GLB1: variants seen among roughly 807,000 people sequenced by gnomAD.
The protein encoded by GLB1 is beta-galactosidase.
A neutral mutation model predicts 74.0 loss-of-function variants in GLB1; 56 were observed. The ratio of observed to expected loss-of-function variants is 0.76; its 90% CI spans 0.61 to 0.94. The LOEUF (loss-of-function observed/expected upper bound fraction) is 0.94, where lower values mean the gene tolerates loss of function less well. Ranked by LOEUF, GLB1 falls within the 40% of genes least tolerant of loss-of-function variation. GLB1 has a pLI of 0.00. For synonymous variants in GLB1, 323 were observed against 323.6 expected (o/e 1.00, Z 0.02); for missense variants, 787 against 845.5 (o/e 0.93, Z 0.86).
rs773288480 is a variant in GLB1 at position 33,077,204 on chromosome 3, G to C, written c.76-4491C>G. 2.0e-6 allele frequency: 3 copies of C among 1,514,012 alleles called. No homozygotes were observed. In the East Asian group the frequency reaches 7.5e-5, roughly 38 times the overall value. 93.8% of individuals were successfully genotyped at this position (1,514,012 alleles called of 1,614,324 possible). ...GGCAGCTGAGACTTAGGCGCTTGCCGTGGCAGATGAAAAGCCCAAGGAAGG... is the reference window on the plus strand; with the variant it reads ...GGCAGCTGAGACTTAGGCGCTTGCCCTGGCAGATGAAAAGCCCAAGGAAGG... On this transcript the variant is annotated intron_variant, in intron 1 of 15. Transcript: ENST00000307363.
chr3:33,031,912 C>T (rs1261389162), intron 10 of GLB1, among the ~76,000 whole-genome samples: 3 of 151,904 alleles, frequency 2.0e-5, no homozygotes, highest in African/African-American at 7.3e-5. Context: ...ATTCTCCTGC[C>T]TCAGCCACCA....
chr3:32,997,209 C>G lies in GLB1; in HGVS notation c.1870G>C (p.Ala624Pro), dbSNP rs1242383448. The G allele has an allele frequency of 9.3e-6, 15 of 1,614,052 alleles. No individual in the cohort carries two copies. Among genetic ancestry groups the G allele is most frequent in the Non-Finnish European group, 1.3e-5 (15 of 1,180,038 alleles). ...TCTGGATCATCACTGCTGCAGGGTGCCCACTCCAGTTCCAGCACGGTGATG... is the reference window on the plus strand; with the variant it reads ...TCTGGATCATCACTGCTGCAGGGTGGCCACTCCAGTTCCAGCACGGTGATG... ...NTITVLELEW[A>P]PCSSDDPELC... The change falls in exon 16 of 16, where the codon GCA becomes CCA. Residue 624 changes from alanine to proline, a missense_variant. Transcript: ENST00000307363.
Position 33,024,292 on chromosome 3 carries a change from A to G in GLB1, c.1102T>C (p.Ser368Pro). 6.2e-7 allele frequency: 1 copy of G among 1,613,284 alleles called. No homozygotes were observed. The highest frequency in any genetic ancestry group is 8.5e-7 in the Non-Finnish European group (1 of 1,179,948). The change falls in exon 11 of 16, where the codon TCT (serine) becomes CCT (proline). Residue 368 changes from serine to proline, a missense_variant. Coordinates refer to ENST00000307363, the MANE Select transcript of GLB1 (RefSeq NM_000404.4). ...TTTCCATATGCAAACTTTGGTGTAG[A>G]TGGAGGGATAGGACCTTCTGGTACT... is the stretch of plus-strand genomic sequence containing the variant. ...EKVPEGPIPP[S>P]TPKFAYGKVT...
chr3:33,051,950 T>C lies in GLB1; in HGVS notation c.847A>G (p.Thr283Ala), dbSNP rs1699011769. ...GAAGCCACTGCTTCGGTCTTGATTGTGGAGTGAGGTTGGCCCCAGTGATCT... is the reference window on the plus strand; with the variant it reads ...GAAGCCACTGCTTCGGTCTTGATTGCGGAGTGAGGTTGGCCCCAGTGATCT... ...WLDHWGQPHS[T>A]IKTEAVASSL... The change falls in exon 8 of 16, where the codon ACA becomes GCA. Residue 283 changes from threonine to alanine, a missense_variant. Transcript: ENST00000307363. 1 of 1,614,234 alleles carries C rather than the reference T, an allele frequency of 6.2e-7. No homozygotes were observed. The highest frequency in any genetic ancestry group is 1.1e-5 in the South Asian group (1 of 91,092).
At chr3:33,086,593 G>C (rs1195261663) in intron 1 of GLB1, among the ~76,000 whole-genome samples, 3 of 152,268 alleles carry the variant, frequency 2.0e-5, no homozygotes, top group Non-Finnish European at 2.9e-5. Flanking sequence ...GTGAAGCAAT[G>C]AATTCTTCCT....
At chr3:33,092,106 T>C in intron 1 of GLB1, 1 of 985,412 alleles carries the variant, frequency 1.0e-6, no homozygotes. Context: ...GCCCTCTGAA[T>C]TCCTAAGCAG....
At chr3:33,005,773 G>C (rs1194100558) in intron 15 of GLB1, among the ~76,000 whole-genome samples, 1 of 152,210 alleles carries the variant, frequency 6.6e-6, no homozygotes, top group Non-Finnish European at 1.5e-5. Context: ...TAGGATTACA[G>C]GTGTGAGCCA....
At chr3:33,071,876 G>A (rs1371003137) in intron 2 of GLB1, among the ~76,000 whole-genome samples, 1 of 152,130 alleles carries the variant, frequency 6.6e-6, no homozygotes, top group African/African-American at 2.4e-5. Context: ...ATACCCAGAA[G>A]GAAGGAATGC....
intron 12 of GLB1, among the ~76,000 whole-genome samples, chr3:33,019,282 G>A (rs1697372444): frequency 6.6e-6 from 1 of 152,150 alleles, no homozygotes; most frequent in African/African-American, 2.4e-5. Context: ...GGTCCAAAAG[G>A]AAAGCCTCAA....
the GLB1 span, among the ~76,000 whole-genome samples, chr3:32,990,747 G>T: frequency 6.6e-6 from 1 of 152,190 alleles, no homozygotes; most frequent in Admixed American, 6.5e-5. Context: ...GCCGAGGCGG[G>T]CAGATCACGA....
At chr3:33,052,424 G>A (rs1699032329) in intron 7 of GLB1, among the ~76,000 whole-genome samples, 2 of 152,298 alleles carry the variant, frequency 1.3e-5, no homozygotes, top group African/African-American at 4.8e-5. Context: ...ACAAGGTCTA[G>A]AGATTGAGAC....
Position 33,058,452 on chromosome 3 carries a change from T to C in GLB1, c.553-183A>G, listed in dbSNP as rs1481971415. 4.6e-5 allele frequency among the ~76,000 whole-genome samples: 7 copies of C among 152,096 alleles called. No individual in the cohort carries two copies. In the Middle Eastern group the frequency reaches 0.014, roughly 298 times the overall value. On this transcript the variant is annotated intron_variant, in intron 5 of 15. Transcript: ENST00000307363. Reference sequence around the variant, plus strand: ...AAGAAAAAACACCAACAATTCACCATAAAAGTTTACCTCCTATTAACCCTC... The same window carrying C: ...AAGAAAAAACACCAACAATTCACCACAAAAGTTTACCTCCTATTAACCCTC...
At chr3:33,004,775 C>T (rs1300097089) in intron 15 of GLB1, among the ~76,000 whole-genome samples, 3 of 152,198 alleles carry the variant, frequency 2.0e-5, no homozygotes, top group African/African-American at 7.2e-5. Flanking sequence ...TCTCTCTGGA[C>T]CACTTCTCCA....
intron 10 of GLB1, chr3:33,030,287 C>T (rs1697950691): frequency 6.3e-6 from 1 of 159,730 alleles, no homozygotes; most frequent in Admixed American, 6.5e-5. Flanking sequence ...TTAGATACTA[C>T]ACTTGATCTT....
At chr3:33,021,283 G>A (rs1213858491) in intron 12 of GLB1, 1 of 471,732 alleles carries the variant, frequency 2.1e-6, no homozygotes, top group African/African-American at 2.0e-5. Context: ...AATTAGATTG[G>A]TCAGTGAACT....
intron 1 of GLB1, chr3:33,092,878 T>C (rs1700826878): frequency 3.1e-6 from 5 of 1,613,242 alleles, no homozygotes; most frequent in African/African-American, 1.3e-5. Context: ...TCGGCCCTGC[T>C]ACCCAGCCTC....
chr3:32,978,498 T>C, the GLB1 span, among the ~76,000 whole-genome samples: 1 of 152,236 alleles, frequency 6.6e-6, no homozygotes, highest in Non-Finnish European at 1.5e-5. Context: ...ATAGGAGTTT[T>C]GTAACAGACG....
At chr3:32,966,781 T>A in the GLB1 span, among the ~76,000 whole-genome samples, 2 of 152,194 alleles carry the variant, frequency 1.3e-5, no homozygotes, top group Non-Finnish European at 2.9e-5. Context: ...GGTTTTCCCA[T>A]GTTGTTCTCA....
chr3:32,979,870 A>AAAAAAAAAAAAAAAAAAG, the GLB1 span, among the ~76,000 whole-genome samples: 1 of 137,326 alleles, frequency 7.3e-6, no homozygotes, highest in Admixed American at 7.3e-5. Flanking sequence ...AAAAAAAAAA[A>AAAAAAAAAAAAAAAAAAG]AAAAAAAAGA....
Sources: gnomAD v4.1 joint callset for allele counts (sites outside exome capture counted in the v4.1 genomes callset) on GRCh38, gnomAD v4.1.1 for gene constraint, MANE v1.5 for transcripts, NCBI Gene and HGNC (gene_info 2026-07-23, HGNC 2026-07-21) for gene names.